Variants in HOMER1 observed in about 807,000 individuals in gnomAD.
HOMER1 encodes homer protein homolog 1.
HOMER1 carries 3 observed loss-of-function variants against 48.9 expected under a neutral mutation model. The observed-to-expected ratio is 0.06, with a 90% CI of 0.03 to 0.16. The LOEUF (loss-of-function observed/expected upper bound fraction) is 0.16. HOMER1 is among the 10% of genes least tolerant of loss of function. HOMER1 has a pLI of 1.00. For synonymous variants in HOMER1, 134 were observed against 146.4 expected (o/e 0.92, Z 0.61); for missense variants, 247 against 411.4 (o/e 0.60, Z 3.46).
At chr5:79,482,895 C>CA (rs1751985244) in intron 1 of HOMER1, among the ~76,000 whole-genome samples, 2 of 151,770 alleles carry the variant, frequency 1.3e-5, no homozygotes, top group South Asian at 4.2e-4. Context: ...CCCAGCTACT[C>CA]AAGAGGCCGA....
chr5:79,508,472 G>C (rs774360558), intron 1 of HOMER1, among the ~76,000 whole-genome samples: 1 of 152,128 alleles, frequency 6.6e-6, no homozygotes, highest in Non-Finnish European at 1.5e-5. Flanking sequence ...TCTTTCATTT[G>C]ATCTACATGG....
chr5:79,439,892 C>G (rs999220794), intron 4 of HOMER1, among the ~76,000 whole-genome samples: 1 of 152,070 alleles, frequency 6.6e-6, no homozygotes, highest in African/African-American at 2.4e-5. Context: ...GAAGCTCAAG[C>G]TGACACTTAT....
At chr5:79,470,982 AAC>A (rs1346645097) in intron 1 of HOMER1, among the ~76,000 whole-genome samples, 3 of 152,166 alleles carry the variant, frequency 2.0e-5, no homozygotes, top group Non-Finnish European at 4.4e-5. Flanking sequence ...TCCTTCTCTC[AAC>A]ACAGACACCA....
chr5:79,383,790 G>A (rs566109909), intron 8 of HOMER1, among the ~76,000 whole-genome samples: 5 of 152,028 alleles, frequency 3.3e-5, no homozygotes, highest in African/African-American at 4.8e-5. Context: ...TTTAAAAATC[G>A]AAATCGTATT....
chr5:79,380,383 G>A (rs1050565569), intron 8 of HOMER1, among the ~76,000 whole-genome samples: 28 of 152,212 alleles, frequency 1.8e-4, no homozygotes, highest in African/African-American at 6.0e-4. Context: ...CAACAGTGCT[G>A]TAGCTAAGGC....
At chr5:79,500,763 T>TAC (rs144618130) in intron 1 of HOMER1, among the ~76,000 whole-genome samples, 31,122 of 151,606 alleles carry the variant, frequency 0.21, 3,493 homozygotes, top group Admixed American at 0.3. Context: ...AAGCTGGGAC[T>TAC]ACAGGCGTGC....
chr5:79,486,117 G>A (rs146008063), intron 1 of HOMER1, among the ~76,000 whole-genome samples: 25 of 152,218 alleles, frequency 1.6e-4, no homozygotes, highest in African/African-American at 5.5e-4. Flanking sequence ...CACCCTAGTT[G>A]ACTTCCTGGC....
chr5:79,446,024 T>C (rs910269527), intron 4 of HOMER1, among the ~76,000 whole-genome samples: 2 of 152,238 alleles, frequency 1.3e-5, no homozygotes, highest in African/African-American at 4.8e-5. Context: ...CATTCTGACA[T>C]CTTTTAAAAA....
rs992048765 is a variant in HOMER1, at chr5:79,374,140, AAC to A, written c.*1867_*1868del. On this transcript the variant is annotated 3_prime_UTR_variant, in exon 9 of 9. Transcript: ENST00000334082. ...TGTTACTCAGAAACTGATGGATAAA[AAC>A]ACATTTACTTCAAAATTCCATCAAT... The A allele has an allele frequency of 6.6e-6, 1 of 152,402 alleles. No homozygotes were observed. Among genetic ancestry groups the A allele is most frequent in the African/African-American group, 2.4e-5 (1 of 41,424 alleles). The allele number at this position is 152,402 out of a possible 1,614,324, so 9.4% of individuals were successfully genotyped here. A position where few individuals can be genotyped will look rare whatever the true frequency, so the allele number is the denominator to read the frequency against.
rs181819455 is a variant in HOMER1 at position 79,455,434 on chromosome 5, T to C, written c.162+1428A>G. On this transcript the variant is annotated intron_variant, in intron 2 of 8. Transcript: ENST00000334082. ...ACTCTCACGAGATCTGATGGTTTTATACGCATCTGGCATTTCCCCTGCTTG... is the reference window on the plus strand; with the variant it reads ...ACTCTCACGAGATCTGATGGTTTTACACGCATCTGGCATTTCCCCTGCTTG... Among the ~76,000 whole-genome samples the C allele has an allele frequency of 2.7e-3, 413 of 152,294 alleles. 4 individuals are homozygous for C. Among genetic ancestry groups the C allele is most frequent in the African/African-American group, 9.4e-3 (390 of 41,550 alleles).
chr5:79,500,959 GACAGACACACACACACAC>G (rs1752565596), intron 1 of HOMER1, among the ~76,000 whole-genome samples: 1 of 129,950 alleles, frequency 7.7e-6, no homozygotes, highest in Non-Finnish European at 1.5e-5. Flanking sequence ...GTGTGAGACA[GACAGACACACACACACAC>G]ACACACACAC....
intron 3 of HOMER1, among the ~76,000 whole-genome samples, chr5:79,450,285 T>C (rs2112292406): frequency 6.6e-6 from 1 of 152,334 alleles, no homozygotes; most frequent in Non-Finnish European, 1.5e-5. Context: ...TTTGATCACT[T>C]AGTATACTGA....
chr5:79,406,203 C>T (rs772586050), intron 5 of HOMER1, among the ~76,000 whole-genome samples: 8 of 152,132 alleles, frequency 5.3e-5, no homozygotes, highest in Non-Finnish European at 8.8e-5. Context: ...CAAATTCATC[C>T]TAGCATTATC....
intron 4 of HOMER1, among the ~76,000 whole-genome samples, chr5:79,440,268 T>C (rs1165613723): frequency 2.0e-5 from 3 of 152,234 alleles, no homozygotes; most frequent in Admixed American, 1.3e-4. Context: ...ATGTTACACA[T>C]GAAGTGCTAG....
chr5:79,411,685 C>T (rs1290873619), intron 5 of HOMER1, among the ~76,000 whole-genome samples: 1 of 152,202 alleles, frequency 6.6e-6, no homozygotes, highest in Non-Finnish European at 1.5e-5. Context: ...TCTAAGAAAG[C>T]TGCCTCTCTC....
rs1752998675 is a variant in HOMER1 at position 79,513,438 on chromosome 5, GAGGACGAAGAGAAGGCTAGGC to G, written c.-685_-665del. On this transcript the variant is annotated 5_prime_UTR_variant, in exon 1 of 9. Coordinates refer to ENST00000334082, the MANE Select transcript of HOMER1 (RefSeq NM_004272.5). ...AGACTCGGAGCAGAGAAGAGGTGGG[GAGGACGAAGAGAAGGCTAGGC>G]AGGATCGATTCATTCTCCCGAAGAG... 1 of 152,528 alleles carries G rather than the reference GAGGACGAAGAGAAGGCTAGGC, an allele frequency of 6.6e-6. No individual in the cohort carries two copies. 9.4% of individuals were successfully genotyped at this position (152,528 alleles called of 1,614,324 possible).
intron 7 of HOMER1, 134 bp from the exon 8 acceptor site, chr5:79,397,037 G>A (rs1437405681): frequency 1.2e-5 from 7 of 577,426 alleles, no homozygotes; most frequent in African/African-American, 1.2e-4. Context: ...TTGACTTTTA[G>A]AGGGATGAAT....
intron 4 of HOMER1, among the ~76,000 whole-genome samples, chr5:79,441,605 A>C (rs1319151643): frequency 6.6e-6 from 1 of 152,184 alleles, no homozygotes; most frequent in Non-Finnish European, 1.5e-5. Flanking sequence ...AAAGTAAAAA[A>C]CAAAAAGCCC....
At chr5:79,489,824 T>C (rs192335439) in intron 1 of HOMER1, among the ~76,000 whole-genome samples, 13 of 152,356 alleles carry the variant, frequency 8.5e-5, no homozygotes, top group Admixed American at 8.5e-4. Flanking sequence ...AGTACACTTA[T>C]TGCATAGATG....
Sources: gnomAD v4.1 joint callset for allele counts (sites outside exome capture counted in the v4.1 genomes callset) on GRCh38, gnomAD v4.1.1 for gene constraint, MANE v1.5 for transcripts, NCBI Gene and HGNC (gene_info 2026-07-23, HGNC 2026-07-21) for gene names.